Variants in RAD51B observed in about 807,000 individuals in gnomAD.
RAD51B encodes DNA repair protein RAD51 homolog 2.
RAD51B carries 38 observed loss-of-function variants against 42.2 expected under a neutral mutation model. That is an observed-to-expected ratio of 0.90 (90% CI 0.70 to 1.18). The LOEUF is 1.18. RAD51B is among the 50% of genes most tolerant of loss of function. The pLI, the probability that RAD51B is intolerant of heterozygous loss-of-function variation, is 0.00. For synonymous variants in RAD51B, 154 were observed against 145.2 expected, an observed-to-expected ratio of 1.06 and a Z score of -0.43; for missense variants, 373 against 400.7, an observed-to-expected ratio of 0.93 and a Z score of 0.59.
chr14:67,961,001 T>C (rs56313454), intron 7 of RAD51B, among the ~76,000 whole-genome samples: 10,212 of 152,136 alleles, frequency 0.067, 469 homozygotes, highest in Non-Finnish European at 0.1. Context: ...TTTGTTCGTT[T>C]GTTCATTCAT....
intron 10 of RAD51B, among the ~76,000 whole-genome samples, chr14:68,538,586 G>T (rs1341789107): frequency 6.6e-6 from 1 of 151,542 alleles, no homozygotes; most frequent in African/African-American, 2.4e-5. Flanking sequence ...TGTTAGGGGT[G>T]GGCTTGCAGA....
chr14:68,294,621 A>G (rs1280061618), intron 8 of RAD51B, among the ~76,000 whole-genome samples: 1 of 152,202 alleles, frequency 6.6e-6, no homozygotes, highest in Non-Finnish European at 1.5e-5. Context: ...AGAATACAAG[A>G]TTGCTAAAGT....
chr14:68,635,104 T>A (rs371414600), intron 10 of RAD51B, among the ~76,000 whole-genome samples: 1 of 152,242 alleles, frequency 6.6e-6, no homozygotes, highest in South Asian at 2.1e-4. Flanking sequence ...TATCCCAAGA[T>A]AATGATCAGA....
intron 7 of RAD51B, among the ~76,000 whole-genome samples, chr14:68,260,072 G>T (rs1406126889): frequency 6.7e-6 from 1 of 148,638 alleles, no homozygotes. Context: ...AAGTGATAAT[G>T]GGGGGGTGTG....
intron 7 of RAD51B, among the ~76,000 whole-genome samples, chr14:68,109,021 A>G: frequency 6.6e-6 from 1 of 151,968 alleles, no homozygotes; most frequent in East Asian, 1.9e-4. Context: ...GATACAGAGC[A>G]ATATGATATA....
chr14:68,006,386 T>C (rs1227654458), intron 7 of RAD51B, among the ~76,000 whole-genome samples: 1 of 152,182 alleles, frequency 6.6e-6, no homozygotes, highest in African/African-American at 2.4e-5. Context: ...ATAACATTTT[T>C]CCAGAAAGTT....
At chr14:68,564,018 T>G (rs762681311) in intron 10 of RAD51B, 70 of 851,230 alleles carry the variant, frequency 8.2e-5, no homozygotes, top group Non-Finnish European at 9.9e-5. Context: ...CAAACCTGTT[T>G]CGGAACAGCT....
chr14:68,001,244 G>T (rs577422949), intron 7 of RAD51B, among the ~76,000 whole-genome samples: 6 of 152,112 alleles, frequency 3.9e-5, no homozygotes, highest in African/African-American at 1.4e-4. Flanking sequence ...AATCATATAT[G>T]CAGTAGCAGT....
At chr14:68,033,705 C>T (rs961304285) in intron 7 of RAD51B, among the ~76,000 whole-genome samples, 2 of 152,188 alleles carry the variant, frequency 1.3e-5, no homozygotes, top group Non-Finnish European at 2.9e-5. Flanking sequence ...CTTCACAGCC[C>T]TTCCCGCAGA....
chr14:68,055,297 C>T (rs1244841243), intron 7 of RAD51B, among the ~76,000 whole-genome samples: 1 of 152,026 alleles, frequency 6.6e-6, no homozygotes, highest in African/African-American at 2.4e-5. Flanking sequence ...TATTTTAAAC[C>T]TATTTTTAGA....
At chr14:68,623,215 C>T (rs934083702) in intron 10 of RAD51B, among the ~76,000 whole-genome samples, 1 of 152,176 alleles carries the variant, frequency 6.6e-6, no homozygotes, top group Non-Finnish European at 1.5e-5. Context: ...TTCCCTCCCC[C>T]AGGACTGCCT....
At chr14:68,142,122 T>C (rs899646780) in intron 7 of RAD51B, among the ~76,000 whole-genome samples, 1 of 152,152 alleles carries the variant, frequency 6.6e-6, no homozygotes, top group Non-Finnish European at 1.5e-5. Context: ...TTAATTTAAC[T>C]TTTACTAGTT....
chr14:68,234,685 A>G lies in RAD51B; in HGVS notation c.757-57199A>G, dbSNP rs114884787. ...TCAAAAATGGTATATCTATGAGGGT[A>G]CTTACCATGAATGGAGCTTGCAGGA... is the stretch of plus-strand genomic sequence containing the variant. On this transcript the variant is annotated intron_variant, in intron 7 of 10. Transcript: ENST00000471583. 9.8e-3 allele frequency among the ~76,000 whole-genome samples: 1,489 copies of G among 152,318 alleles called. 22 individuals carry two copies. Among genetic ancestry groups the G allele is most frequent in the African/African-American group, 0.034 (1,429 of 41,564 alleles).
chr14:68,472,699 A>T (rs555285265), intron 10 of RAD51B, among the ~76,000 whole-genome samples: 152 of 152,308 alleles, frequency 1.0e-3, no homozygotes, highest in African/African-American at 3.6e-3. Context: ...CTATTAGTGT[A>T]GGTTTGAATG....
At chr14:68,508,180 A>T (rs1020216129) in intron 10 of RAD51B, among the ~76,000 whole-genome samples, 7 of 152,054 alleles carry the variant, frequency 4.6e-5, no homozygotes, top group African/African-American at 1.4e-4. Flanking sequence ...CCAGTTGTTG[A>T]TGGTGATGGA....
At chr14:68,060,403 C>T (rs1429840562) in intron 7 of RAD51B, among the ~76,000 whole-genome samples, 1 of 152,200 alleles carries the variant, frequency 6.6e-6, no homozygotes, top group Non-Finnish European at 1.5e-5. Context: ...TCTTGCTTCC[C>T]AGTGAGCTGC....
chr14:68,502,740 AAGT>A (rs1885012148), intron 10 of RAD51B, among the ~76,000 whole-genome samples: 6 of 152,088 alleles, frequency 3.9e-5, no homozygotes, highest in Admixed American at 6.5e-5. Context: ...GCTTAATTTA[AAGT>A]GTGTTGGCCT....
At chr14:68,147,714 A>T (rs1487435698) in intron 7 of RAD51B, among the ~76,000 whole-genome samples, 1 of 152,070 alleles carries the variant, frequency 6.6e-6, no homozygotes, top group Non-Finnish European at 1.5e-5. Flanking sequence ...TATATTTTAA[A>T]CAACTCTTAC....
At chr14:67,906,146 G>C (rs553604247) in intron 7 of RAD51B, among the ~76,000 whole-genome samples, 1 of 152,230 alleles carries the variant, frequency 6.6e-6, no homozygotes, top group East Asian at 1.9e-4. Context: ...TGTGTCTGTT[G>C]AGTTGATCAT....
Sources: gnomAD v4.1 joint callset for allele counts (sites outside exome capture counted in the v4.1 genomes callset) on GRCh38, gnomAD v4.1.1 for gene constraint, MANE v1.5 for transcripts, NCBI Gene and HGNC (gene_info 2026-07-23, HGNC 2026-07-21) for gene names.